Variants in METTL16 observed in about 807,000 individuals in gnomAD.
METTL16 encodes the protein methyltransferase 16, RNA N6-adenosine.
A neutral mutation model predicts 57.9 loss-of-function variants in METTL16; 19 were observed. The observed-to-expected ratio is 0.33, with a 90% CI of 0.23 to 0.48. The LOEUF is 0.48. METTL16 is among the 20% of genes least tolerant of loss of function. The pLI is 0.99. For missense variants in METTL16, 434 were observed against 691.5 expected (o/e 0.63, Z 4.18); for synonymous variants, 246 against 255.6 (o/e 0.96, Z 0.36).
intron 5 of METTL16, among the ~76,000 whole-genome samples, chr17:2,467,182 C>T (rs1002473679): frequency 6.6e-6 from 1 of 151,856 alleles, no homozygotes; most frequent in African/African-American, 2.4e-5. Flanking sequence ...TACAGAGAGC[C>T]GAAAGTACTT....
rs2066738790 is a variant in METTL16, at chr17:2,418,775, G to C, written c.*1195C>G. ...CTGACCAACAGCCACCTCTCAGAAGGCTGGCTTAACTACTCAGCCCCAGTC... is the reference window on the plus strand; with the variant it reads ...CTGACCAACAGCCACCTCTCAGAAGCCTGGCTTAACTACTCAGCCCCAGTC... On this transcript the variant is annotated 3_prime_UTR_variant, in exon 10 of 10. Coordinates refer to ENST00000263092, the MANE Select transcript of METTL16 (RefSeq NM_024086.4). The C allele has an allele frequency of 6.6e-6, 1 of 152,238 alleles. No individual in the cohort carries two copies. Among genetic ancestry groups the C allele is most frequent in the Admixed American group, 6.6e-5 (1 of 15,266 alleles). The allele number at this position is 152,238 out of a possible 1,614,324, so 9.4% of individuals were successfully genotyped here. A position where few individuals can be genotyped will look rare whatever the true frequency, so the allele number is the denominator to read the frequency against.
At chr17:2,446,327 T>G (rs1053144447) in intron 6 of METTL16, among the ~76,000 whole-genome samples, 9 of 152,158 alleles carry the variant, frequency 5.9e-5, no homozygotes, top group African/African-American at 2.2e-4. Context: ...AGAAATAAAA[T>G]GCATACAAAC....
In METTL16 at chr17:2,484,525, G is replaced by A. The variant is rs1271869119; in HGVS notation, c.129-6640C>T. Among the ~76,000 whole-genome samples, 5 of 150,494 alleles carry A rather than the reference G, an allele frequency of 3.3e-5. No homozygotes were observed. The East Asian group carries it at 5.8e-4, about 18-fold the overall frequency. ...TTTTTTTTTTTTGAGACGAAGTTTC[G>A]TTCTTGTCGCCCAGCCTGGAGTTCA... On this transcript the variant is annotated intron_variant, in intron 2 of 9. Coordinates refer to ENST00000263092, the MANE Select transcript of METTL16 (RefSeq NM_024086.4).
chr17:2,448,813 A>AT (rs2067045462), intron 6 of METTL16, among the ~76,000 whole-genome samples: 1 of 127,792 alleles, frequency 7.8e-6, no homozygotes, highest in African/African-American at 3.9e-5. Flanking sequence ...AAAAAAAAAA[A>AT]AAAAAAAAAA....
At chr17:2,470,432 A>T (rs1459920854) in intron 4 of METTL16, among the ~76,000 whole-genome samples, 1 of 152,212 alleles carries the variant, frequency 6.6e-6, no homozygotes, top group South Asian at 2.1e-4. Context: ...GAACATGCAC[A>T]CTGGGGCAAC....
intron 2 of METTL16, among the ~76,000 whole-genome samples, chr17:2,484,909 T>A (rs1186942885): frequency 6.6e-6 from 1 of 152,176 alleles, no homozygotes; most frequent in Non-Finnish European, 1.5e-5. Context: ...GATCTGATTC[T>A]TAAGATTAAT....
At chr17:2,466,951 C>G (rs548040886) in intron 5 of METTL16, among the ~76,000 whole-genome samples, 5 of 151,778 alleles carry the variant, frequency 3.3e-5, no homozygotes, top group African/African-American at 1.2e-4. Flanking sequence ...TACAGGCACA[C>G]GCCATAGTGC....
rs763661366 is a variant in METTL16, at chr17:2,420,893, A to C, written c.900T>G (p.Ser300Arg). 2.5e-6 allele frequency: 4 copies of C among 1,613,056 alleles called. No homozygotes were observed. In the South Asian group the frequency reaches 4.4e-5, roughly 18 times the overall value. ...TCGGTTTCTCTAATTTTCTTCGCTT[A>C]CTTGGTGGTGACTGCAAGAAAAAGG... ...YDDVTVPSPPSKRRKLEKPRK... is the reference protein window; with the variant it reads ...YDDVTVPSPPRKRRKLEKPRK... The change falls in exon 9 of 10, where the codon AGT becomes AGG. Residue 300 changes from serine (S) to arginine (R), a missense_variant. Ser to Arg is a moderately radical substitution (Grantham distance 110). This residue lies in a region of METTL16 where 96 missense variants were observed against 138.3 expected (regional missense o/e 0.69). Transcript: ENST00000263092. The surrounding 1 kb of genome is among the most constrained non-coding windows in gnomAD (Gnocchi z 5.4).
chr17:2,444,953 T>C (rs1284423979), intron 6 of METTL16, among the ~76,000 whole-genome samples: 1 of 151,988 alleles, frequency 6.6e-6, no homozygotes, highest in African/African-American at 2.4e-5. Context: ...TGACCTCAGG[T>C]GTTCCACCCA....
intron 2 of METTL16, among the ~76,000 whole-genome samples, chr17:2,480,541 A>G (rs1185302852): frequency 2.6e-5 from 4 of 152,202 alleles, no homozygotes. Flanking sequence ...GTTTCCAAAT[A>G]GCACTCCCCA....
At chr17:2,495,265 A>G (rs1449801003) in intron 2 of METTL16, among the ~76,000 whole-genome samples, 1 of 152,002 alleles carries the variant, frequency 6.6e-6, no homozygotes, top group African/African-American at 2.4e-5. Flanking sequence ...GGGGAGGTTG[A>G]GGCTACTGTG....
At chr17:2,500,840 G>A (rs368595618) in intron 2 of METTL16, among the ~76,000 whole-genome samples, 11 of 152,150 alleles carry the variant, frequency 7.2e-5, no homozygotes, top group East Asian at 5.8e-4. Context: ...AATCAAGGCC[G>A]GGCACATGGC....
intron 6 of METTL16, among the ~76,000 whole-genome samples, chr17:2,449,129 G>A (rs1410867052): frequency 6.6e-6 from 1 of 152,006 alleles, no homozygotes; most frequent in Non-Finnish European, 1.5e-5. Context: ...ATTTACGGTA[G>A]CATGAAAATA....
At chr17:2,467,424 T>G (rs2151565120) in intron 5 of METTL16, among the ~76,000 whole-genome samples, 1 of 152,284 alleles carries the variant, frequency 6.6e-6, no homozygotes, top group Non-Finnish European at 1.5e-5. Context: ...TAAGGCAAAT[T>G]TAGATTTTTT....
In METTL16 at chr17:2,461,885, T is replaced by C. The variant is rs76236336; in HGVS notation, c.728+2323A>G. On this transcript the variant is annotated intron_variant, in intron 6 of 9. Transcript: ENST00000263092. ...TGAGCCACCGTGCCCAGCCTTCTCA[T>C]GTCTTTAAGTGATTTTGTTTCCTAT... Among the ~76,000 whole-genome samples, 710 of 152,218 alleles carry C rather than the reference T, an allele frequency of 4.7e-3. 4 individuals are homozygous for C. The highest frequency in any genetic ancestry group is 0.016 in the African/African-American group (669 of 41,552).
chr17:2,501,744 G>A (rs1169299497), intron 2 of METTL16, among the ~76,000 whole-genome samples: 2 of 151,982 alleles, frequency 1.3e-5, no homozygotes, highest in Non-Finnish European at 2.9e-5. Context: ...TGTAATCCCA[G>A]CTACTCAGGA....
intron 2 of METTL16, among the ~76,000 whole-genome samples, chr17:2,501,354 A>G (rs1334288781): frequency 3.3e-5 from 5 of 152,166 alleles, no homozygotes; most frequent in African/African-American, 9.7e-5. Context: ...GCTTGAGCCC[A>G]GGAGTTCAAT....
At chr17:2,437,410 C>G (rs1208342947) in intron 8 of METTL16, among the ~76,000 whole-genome samples, 2 of 152,110 alleles carry the variant, frequency 1.3e-5, no homozygotes, top group Non-Finnish European at 2.9e-5. Flanking sequence ...GGCAGCTATT[C>G]TAGGAAAGCA....
At chr17:2,442,109 G>C (rs1238684571) in intron 6 of METTL16, among the ~76,000 whole-genome samples, 1 of 152,202 alleles carries the variant, frequency 6.6e-6, no homozygotes, top group African/African-American at 2.4e-5. Context: ...AAGGTAAAGG[G>C]ATAGAATATA....
Sources: allele counts gnomAD v4.1 joint callset (sites outside exome capture counted in the v4.1 genomes callset), GRCh38; gene constraint gnomAD v4.1.1; regional missense constraint gnomAD v4.1.1; non-coding constraint Gnocchi (gnomAD v3.1); transcripts MANE v1.5; gene names NCBI Gene and HGNC (gene_info 2026-07-23, HGNC 2026-07-21).